Variants in KRT33A observed in about 807,000 individuals in gnomAD.
KRT33A encodes the protein keratin, type I cuticular Ha3-I.
KRT33A carries 44 observed loss-of-function variants against 41.1 expected under a neutral mutation model. That is an observed-to-expected ratio of 1.07 (90% CI 0.84 to 1.38). KRT33A has a LOEUF of 1.38. Ranked by LOEUF, KRT33A falls within the 40% of genes most tolerant of loss-of-function variation. The pLI is 0.00. For missense variants in KRT33A, 536 were observed against 518.5 expected, an observed-to-expected ratio of 1.03 and a Z score of -0.33; for synonymous variants, 229 against 227.8, an observed-to-expected ratio of 1.01 and a Z score of -0.05.
Position 41,350,498 on chromosome 17 carries a change from C to T in KRT33A, c.270G>A (p.Glu90=). 6.2e-7 allele frequency: 1 copy of T among 1,614,128 alleles called. No individual in the cohort carries two copies. The highest frequency in any genetic ancestry group is 8.5e-7 in the Non-Finnish European group (1 of 1,180,030). The change falls in exon 1 of 7, where the codon GAG becomes GAA. Residue 90 remains glutamate, a synonymous_variant. Coordinates refer to ENST00000007735, the MANE Select transcript of KRT33A (RefSeq NM_004138.4). ...DNAELENLIR[E]RSQQQEPLVC... is the part of the protein sequence containing the mutation. ...CCAAGGGCTCCTGCTGCTGTGACCGCTCCCGGATGAGGTTCTCCAGCTCCG... is the reference window on the plus strand; with the variant it reads ...CCAAGGGCTCCTGCTGCTGTGACCGTTCCCGGATGAGGTTCTCCAGCTCCG...
At position 41,350,666 on chromosome 17, in the gene KRT33A, G is replaced by C; in HGVS notation, c.102C>G (p.Ala34=). ...PSCHGCTLPG[A]CNIPANVSNC... is the part of the protein sequence containing the mutation. ...TGCTCACATTGGCGGGGATGTTGCA[G>C]GCCCCGGGCAGGGTGCAGCCGTGGC... The change falls in exon 1 of 7, where the codon GCC becomes GCG. Residue 34 remains alanine, a synonymous_variant. Transcript: ENST00000007735. 1 of 1,612,236 alleles carries C rather than the reference G, an allele frequency of 6.2e-7. No individual in the cohort carries two copies. Among genetic ancestry groups the C allele is most frequent in the Non-Finnish European group, 8.5e-7 (1 of 1,180,024 alleles).
intron 5 of KRT33A, 50 bp from the exon 6 acceptor site, chr17:41,346,718 C>A (rs1324717947): frequency 2.5e-6 from 4 of 1,611,244 alleles, no homozygotes; most frequent in South Asian, 1.1e-5. Context: ...TTATAAGGTT[C>A]CTCCATGGGG....
Position 41,348,616 on chromosome 17 carries a change from C to T in KRT33A, c.455G>A (p.Arg152Gln), listed in dbSNP as rs773713433. 23 of 1,614,036 alleles carry T rather than the reference C, an allele frequency of 1.4e-5. No individual in the cohort carries two copies. The highest frequency in any genetic ancestry group is 8.8e-5 in the South Asian group (8 of 91,072). The change falls in exon 3 of 7, where the codon CGG (arginine) becomes CAG (glutamine). Residue 152 changes from arginine (R) to glutamine (Q), a missense_variant. Physicochemically the swap from Arg to Gln is conservative, Grantham distance 43. Coordinates refer to ENST00000007735, the MANE Select transcript of KRT33A (RefSeq NM_004138.4). ...ATTGATGTCCGACTCCACCAGCTGC[C>T]GCAGGGACAGCTCGGTCTCATATCT... Reference protein sequence around the residue: ...RTKYETELSLRQLVESDINGL... With the variant: ...RTKYETELSLQQLVESDINGL...
At chr17:41,347,752 C>A (rs2017446658) in intron 3 of KRT33A, among the ~76,000 whole-genome samples, 1 of 152,232 alleles carries the variant, frequency 6.6e-6, no homozygotes, top group South Asian at 2.1e-4. Context: ...CTAAGCATAG[C>A]TTGGTACTTG....
At chr17:41,349,235 C>T (rs2017468949) in intron 2 of KRT33A, 111 bp downstream of exon 2, 1 of 1,038,370 alleles carries the variant, frequency 9.6e-7, no homozygotes, top group Admixed American at 2.1e-5. Context: ...GAGAAAGCAG[C>T]TAGAACATAG....
In KRT33A at chr17:41,350,596, C is replaced by T; in HGVS notation, c.172G>A (p.Glu58Lys). Residue 58 changes from glutamate to lysine, a missense_variant, in exon 1 of 7, where the codon GAG (glutamate) becomes AAG (lysine). By Grantham distance (56) the Glu-to-Lys change is moderately conservative (BLOSUM62 1). Coordinates refer to ENST00000007735, the MANE Select transcript of KRT33A (RefSeq NM_004138.4). Reference sequence around the variant, plus strand: ...CGGTCGTTCAGGAACTGCATGGTCTCCTTCTCACTGCCATTGAAGGAGCCC... The same window carrying T: ...CGGTCGTTCAGGAACTGCATGGTCTTCTTCTCACTGCCATTGAAGGAGCCC... Reference protein sequence around the residue: ...CEGSFNGSEKETMQFLNDRLA... With the variant: ...CEGSFNGSEKKTMQFLNDRLA... 6.2e-7 allele frequency: 1 copy of T among 1,613,352 alleles called. No homozygotes were observed. The highest frequency in any genetic ancestry group is 8.5e-7 in the Non-Finnish European group (1 of 1,180,046).
chr17:41,349,597 A>T (rs2017475933), intron 1 of KRT33A, among the ~76,000 whole-genome samples, 169 bp from the exon 2 acceptor site: 1 of 152,148 alleles, frequency 6.6e-6, no homozygotes, highest in Non-Finnish European at 1.5e-5. Context: ...TCAAAAAAAG[A>T]ACACCAAAAT....
chr17:41,349,997 T>C (rs2017481992), intron 1 of KRT33A, among the ~76,000 whole-genome samples: 1 of 152,062 alleles, frequency 6.6e-6, no homozygotes, highest in African/African-American at 2.4e-5. Flanking sequence ...TCAGGATAAG[T>C]AGGAACCTAG....
At chr17:41,346,407 C>A (rs1232329651) in intron 6 of KRT33A, 41 bp downstream of exon 6, 2 of 1,610,614 alleles carry the variant, frequency 1.2e-6, no homozygotes, top group Non-Finnish European at 1.7e-6. Flanking sequence ...CCACAGCAAC[C>A]TAACATGCCC....
At chr17:41,348,441 G>A (rs1290434107) in intron 3 of KRT33A, 42 bp downstream of exon 3, 5 of 1,610,790 alleles carry the variant, frequency 3.1e-6, no homozygotes, top group Non-Finnish European at 4.2e-6. Flanking sequence ...TTGTGAAACA[G>A]GTCCTGGCTA....
Position 41,346,868 on chromosome 17 carries a change from G to A in KRT33A, c.852C>T (p.Ile284=), listed in dbSNP as rs542506906. The stretch of plus-strand genomic sequence containing the variant: ...CCAGGTTGTGCTGGGCCTGCAGCTC[G>A]ATCTCCAGGGCATTGACCGTGCGTC... ...ELRRTVNALE[I]ELQAQHNLRD... Residue 284 remains isoleucine (I), a synonymous_variant, in exon 5 of 7, where the codon ATC becomes ATT. Transcript: ENST00000007735. 3.8e-5 allele frequency: 61 copies of A among 1,612,792 alleles called. 1 individual carries two copies. In the South Asian group the frequency reaches 5.6e-4, roughly 15 times the overall value.
In KRT33A at chr17:41,348,433, G is replaced by A. The variant is rs1397803387; in HGVS notation, c.588+50C>T. On this transcript the variant is annotated intron_variant, in intron 3 of 6. Coordinates refer to ENST00000007735, the MANE Select transcript of KRT33A (RefSeq NM_004138.4). Reference sequence around the variant, plus strand: ...GCCTGTCCTGGACCCTGTGGCAGTTGTGAAACAGGTCCTGGCTAGTCTGAG... The same window carrying A: ...GCCTGTCCTGGACCCTGTGGCAGTTATGAAACAGGTCCTGGCTAGTCTGAG... The A allele has an allele frequency of 2.5e-6, 4 of 1,605,748 alleles. No homozygotes were observed. In the Middle Eastern group the frequency reaches 6.1e-4, roughly 246 times the overall value.
chr17:41,349,203 T>A (rs2017468564), intron 2 of KRT33A, 143 bp downstream of exon 2: 3 of 742,256 alleles, frequency 4.0e-6, no homozygotes, highest in South Asian at 1.7e-5. Context: ...AGCTACGGTG[T>A]GTGGTGGCTC....
At chr17:41,349,812 A>T (rs2017479065) in intron 1 of KRT33A, among the ~76,000 whole-genome samples, 1 of 151,788 alleles carries the variant, frequency 6.6e-6, no homozygotes. Flanking sequence ...TAAACTAGCA[A>T]TTGCAGGGGA....
At chr17:41,350,287 C>T (rs2017486201) in intron 1 of KRT33A, 133 bp downstream of exon 1, 7 of 1,028,054 alleles carry the variant, frequency 6.8e-6, no homozygotes, top group Non-Finnish European at 9.9e-6. Context: ...TTAGATGGGC[C>T]CTCAAAAAAC....
chr17:41,346,478 TACGTG>T lies in KRT33A; in HGVS notation c.1062_1066del (p.Asn354LysfsTer24). ...GTCCTCGCTCTCCAGCAGGCTCCGG[TACGTG>T]TTGATCTCACACTCCAGCCGCGCCC... On this transcript the variant is annotated frameshift_variant, in exon 6 of 7. Transcript: ENST00000007735. LOFTEE classifies it high-confidence loss of function. 1 of 1,614,074 alleles carries T rather than the reference TACGTG, an allele frequency of 6.2e-7. No homozygotes were observed.
At chr17:41,346,779 G>C in intron 5 of KRT33A, 65 bp downstream of exon 5, 1 of 1,608,932 alleles carries the variant, frequency 6.2e-7, no homozygotes, top group South Asian at 1.1e-5. Context: ...GTGGCCCCAA[G>C]GGCATCCCCA....
Position 41,348,656 on chromosome 17 carries a change from G to A in KRT33A, c.432-17C>T. 1.2e-6 allele frequency: 2 copies of A among 1,613,696 alleles called. No homozygotes were observed. Among genetic ancestry groups the A allele is most frequent in the Non-Finnish European group, 1.7e-6 (2 of 1,179,664 alleles). ...GTCTCATATCTGTGATCACAGGAGG[G>A]TCAGGAACAGGCTGGGCAGGAATAG... On this transcript the variant is annotated splice_polypyrimidine_tract_variant and intron_variant, in intron 2 of 6. Coordinates refer to ENST00000007735, the MANE Select transcript of KRT33A (RefSeq NM_004138.4).
At position 41,350,556 on chromosome 17, in the gene KRT33A, AG is replaced by A; in HGVS notation, c.211del (p.Leu71TrpfsTer99). The part of the protein sequence containing the change: ...QFLNDRLASY[L>X]EKVRQLERDN... ...CCGCTCCAGCTGACGCACCTTCTCC[AG>A]GTAGCTGGCCAGGCGGTCGTTCAGG... On this transcript the variant is annotated frameshift_variant, in exon 1 of 7. Transcript: ENST00000007735. LOFTEE classifies it high-confidence loss of function. 1.2e-6 allele frequency: 2 copies of A among 1,613,972 alleles called. No individual in the cohort carries two copies. Among genetic ancestry groups the A allele is most frequent in the Non-Finnish European group, 1.7e-6 (2 of 1,180,034 alleles).
Sources: allele counts gnomAD v4.1 joint callset (sites outside exome capture counted in the v4.1 genomes callset), GRCh38; gene constraint gnomAD v4.1.1; transcripts MANE v1.5; gene names NCBI Gene and HGNC (gene_info 2026-07-23, HGNC 2026-07-21).